Variants in SPEG observed in about 807,000 individuals in gnomAD.
SPEG encodes striated muscle enriched protein kinase.
A neutral mutation model predicts 300.4 loss-of-function variants in SPEG; 114 were observed. The ratio of observed to expected loss-of-function variants is 0.38; its 90% CI spans 0.33 to 0.44. SPEG has a LOEUF of 0.44. SPEG is among the 20% of genes least tolerant of loss of function. The probability of loss-of-function intolerance (pLI) is 1.00; values close to 1 mark genes in which losing one functional copy is unlikely to be tolerated. For missense variants in SPEG, 4,201 were observed against 4,586.2 expected, an observed-to-expected ratio of 0.92 and a Z score of 2.43; for synonymous variants, 1,964 against 2,018.9, an observed-to-expected ratio of 0.97 and a Z score of 0.73.
At chr2:219,475,181 G>C (rs769558903) in intron 18 of SPEG, among the ~76,000 whole-genome samples, 53 of 152,126 alleles carry the variant, frequency 3.5e-4, no homozygotes, top group Non-Finnish European at 6.9e-4. Flanking sequence ...TTTCTAATTT[G>C]TTAATTAACT....
rs2125554413 is a variant in SPEG, at chr2:219,483,614, A to G, written c.6151A>G (p.Thr2051Ala). The G allele has an allele frequency of 1.3e-6, 2 of 1,505,088 alleles. No individual in the cohort carries two copies. Among genetic ancestry groups the G allele is most frequent in the East Asian group, 5.4e-5 (2 of 36,980 alleles). The allele number at this position is 1,505,088 out of a possible 1,614,324, so 93.2% of individuals were successfully genotyped here. ...PQRRSPSPGATRLARGGLGEG... is the reference protein window; with the variant it reads ...PQRRSPSPGAARLARGGLGEG... ...GCGCCGGAGCCCCAGCCCGGGAGCC[A>G]CCCGCCTGGCCCGGGGAGGCCTGGG... Residue 2051 changes from threonine to alanine, a missense_variant, in exon 30 of 41, where the codon ACC becomes GCC. By Grantham distance (58) the Thr-to-Ala change is moderately conservative. Transcript: ENST00000312358.
In SPEG at chr2:219,461,453, G is replaced by T. The variant is rs577187338; in HGVS notation, c.2441-429G>T. ...ACCAGGCCCAGCTCACCCAAGAAAT[G>T]GGCGTCCTAGCCATGCTGCTCCAGG... On this transcript the variant is annotated intron_variant, in intron 6 of 40. Coordinates refer to ENST00000312358, the MANE Select transcript of SPEG (RefSeq NM_005876.5). 11 of 1,032,962 alleles carry T rather than the reference G, an allele frequency of 1.1e-5. No individual in the cohort carries two copies. The Admixed American group carries it at 5.3e-4, about 50-fold the overall frequency. 64.0% of individuals were successfully genotyped at this position (1,032,962 alleles called of 1,614,324 possible).
rs117582170 is a variant in SPEG, at chr2:219,470,828, G to T, written c.3716-1040G>T. Among the ~76,000 whole-genome samples, 655 of 152,320 alleles carry T rather than the reference G, an allele frequency of 4.3e-3. 16 individuals are homozygous for T. The East Asian group carries it at 0.081, about 19-fold the overall frequency. On this transcript the variant is annotated intron_variant, in intron 13 of 40. Coordinates refer to ENST00000312358, the MANE Select transcript of SPEG (RefSeq NM_005876.5). ...ATATCTCTGACCTCATTGGTAAAAT[G>T]GGGATAATTTTGTAGAGTTGTTGCA...
At position 219,459,754 on chromosome 2, in the gene SPEG, C is replaced by T. The variant is rs1690492058; in HGVS notation, c.2441-2128C>T. Among the ~76,000 whole-genome samples, 1 of 152,202 alleles carries T rather than the reference C, an allele frequency of 6.6e-6. No individual in the cohort carries two copies. Among genetic ancestry groups the T allele is most frequent in the Non-Finnish European group, 1.5e-5 (1 of 68,038 alleles). On this transcript the variant is annotated intron_variant, in intron 6 of 40. Coordinates refer to ENST00000312358, the MANE Select transcript of SPEG (RefSeq NM_005876.5). The surrounding 1 kb of genome is among the most constrained non-coding windows in gnomAD (Gnocchi z 4.9). ...GGACCGCCCACCTGCGGAGCCATGC[C>T]TGTGATCTCAGCATCAAATGCCTTA... is the stretch of plus-strand genomic sequence containing the variant.
chr2:219,466,956 G>A (rs1039414004), intron 9 of SPEG: 26 of 1,058,676 alleles, frequency 2.5e-5, no homozygotes, highest in Non-Finnish European at 3.2e-5. Flanking sequence ...TTGCCTCCAT[G>A]AATCACCCTC....
intron 1 of SPEG, chr2:219,441,388 C>G (rs1219373117): frequency 5.0e-6 from 2 of 398,534 alleles, no homozygotes; most frequent in South Asian, 1.8e-5. Context: ...TCTTGAGAAG[C>G]CTTAGGGTTT....
chr2:219,486,244 A>T (rs1693408650), intron 31 of SPEG, among the ~76,000 whole-genome samples: 1 of 152,202 alleles, frequency 6.6e-6, no homozygotes, highest in East Asian at 1.9e-4. Flanking sequence ...CCCCTGAAAA[A>T]GGGGCATTAC....
At chr2:219,442,344 A>G (rs1688983914) in intron 1 of SPEG, among the ~76,000 whole-genome samples, 1 of 151,502 alleles carries the variant, frequency 6.6e-6, no homozygotes, top group Non-Finnish European at 1.5e-5. Flanking sequence ...CCACCGGGGA[A>G]GGCCCCCGCT....
chr2:219,484,454 G>A lies in SPEG; in HGVS notation c.6991G>A (p.Ala2331Thr). The stretch of plus-strand genomic sequence containing the variant: ...CAGCATCGAAAACTTGGAGTCGGAG[G>A]CCGTGTTCGAGGCCAAGTTCAAGCG... ...SSSIENLESE[A>T]VFEAKFKRSR... Residue 2331 changes from alanine to threonine, a missense_variant, in exon 30 of 41, where the codon GCC becomes ACC. Physicochemically the swap from Ala to Thr is moderately conservative, Grantham distance 58 (BLOSUM62 0). Transcript: ENST00000312358. The A allele has an allele frequency of 6.2e-7, 1 of 1,611,376 alleles. No individual in the cohort carries two copies. The highest frequency in any genetic ancestry group is 8.5e-7 in the Non-Finnish European group (1 of 1,179,776).
At chr2:219,486,581 G>A (rs1223279507) in intron 31 of SPEG, among the ~76,000 whole-genome samples, 1 of 152,174 alleles carries the variant, frequency 6.6e-6, no homozygotes, top group Admixed American at 6.5e-5. Flanking sequence ...GGGGACAGCT[G>A]ATCCCTTCCC....
rs750642902 is a variant in SPEG, at chr2:219,485,121, C to A, written c.7609+49C>A. 20 of 1,515,916 alleles carry A rather than the reference C, an allele frequency of 1.3e-5. 1 individual carries two copies. The South Asian group carries it at 2.1e-4, about 16-fold the overall frequency. The allele number at this position is 1,515,916 out of a possible 1,614,324, so 93.9% of individuals were successfully genotyped here. On this transcript the variant is annotated intron_variant, in intron 30 of 40. Coordinates refer to ENST00000312358, the MANE Select transcript of SPEG (RefSeq NM_005876.5). ...AGCAGGTGCAGAGGAGGGTGGGGTG[C>A]GCTGGAGAGAGGCTGTGGGAGGAGC...
intron 6 of SPEG, among the ~76,000 whole-genome samples, chr2:219,456,464 C>T (rs1690191009): frequency 6.6e-6 from 1 of 152,206 alleles, no homozygotes; most frequent in African/African-American, 2.4e-5. Context: ...TCCTGTCTGC[C>T]AGAAACAGGC....
chr2:219,469,825 T>A (rs941484444), intron 13 of SPEG, among the ~76,000 whole-genome samples: 12 of 152,148 alleles, frequency 7.9e-5, no homozygotes, highest in Admixed American at 7.9e-4. Flanking sequence ...CGGTGGTACT[T>A]CCTGGAGACA....
At chr2:219,476,315 A>T (rs1692336549) in intron 18 of SPEG, among the ~76,000 whole-genome samples, 1 of 152,190 alleles carries the variant, frequency 6.6e-6, no homozygotes, top group African/African-American at 2.4e-5. Context: ...CAGTGAAAAA[A>T]CTTCAAGGTA....
intron 29 of SPEG, 35 bp from the exon 30 acceptor site, chr2:219,483,063 G>T (rs1239306880): frequency 1.9e-6 from 3 of 1,579,410 alleles, no homozygotes; most frequent in Non-Finnish European, 2.6e-6. Flanking sequence ...TGCCCCAGGG[G>T]TCCCTCAGGT....
rs1362346842 is a variant in SPEG at position 219,473,580 on chromosome 2, C to A, written c.4224C>A (p.Ser1408Arg). The change falls in exon 17 of 41, where the codon AGC becomes AGA. Residue 1408 changes from serine to arginine, a missense_variant. Ser to Arg is a moderately radical substitution (Grantham distance 110). This residue lies in a region of SPEG where 1,047 missense variants were observed against 1,356.8 expected (regional missense o/e 0.77). Coordinates refer to ENST00000312358, the MANE Select transcript of SPEG (RefSeq NM_005876.5). This position sits in a 1 kb window ranked among gnomAD's most constrained non-coding sequence, Gnocchi z 4.6. ...IVYVVEGQPASVTVTFNHVEA... is the reference protein window; with the variant it reads ...IVYVVEGQPARVTVTFNHVEA... Reference sequence around the variant, plus strand: ...ATGTGGTGGAGGGACAGCCTGCCAGCGTCACCGTCACATTCAACCATGTGG... The same window carrying A: ...ATGTGGTGGAGGGACAGCCTGCCAGAGTCACCGTCACATTCAACCATGTGG... 1 of 1,614,184 alleles carries A rather than the reference C, an allele frequency of 6.2e-7. No individual in the cohort carries two copies. The highest frequency in any genetic ancestry group is 8.5e-7 in the Non-Finnish European group (1 of 1,180,030).
rs587777672 is a variant in SPEG at position 219,484,160 on chromosome 2, C to A, written c.6697C>A (p.Gln2233Lys). Residue 2233 changes from glutamine to lysine, a missense_variant, in exon 30 of 41, where the codon CAG (glutamine) becomes AAG (lysine). Around this residue, in one of 4 missense-constraint regions of SPEG, gnomAD observed 1,578 missense variants for 1,506.0 expected, o/e 1.05. Coordinates refer to ENST00000312358, the MANE Select transcript of SPEG (RefSeq NM_005876.5). ...AGCCTCCAAGCCTGCACCACCCCCCCAGGCCCTGCAAACCCTAGCGCTGCC... is the reference window on the plus strand; with the variant it reads ...AGCCTCCAAGCCTGCACCACCCCCCAAGGCCCTGCAAACCCTAGCGCTGCC... ...VRASKPAPPP[Q>K]ALQTLALPLT... 1.2e-5 allele frequency: 20 copies of A among 1,613,608 alleles called. No homozygotes were observed. The highest frequency in any genetic ancestry group is 3.3e-5 in the Admixed American group (2 of 60,006).
At chr2:219,442,139 C>T (rs1046153041) in intron 1 of SPEG, 28 of 1,112,296 alleles carry the variant, frequency 2.5e-5, no homozygotes, top group Non-Finnish European at 3.1e-5. Context: ...CTGGGCGCCC[C>T]GGAGGGAGGG....
rs753502254 is a variant in SPEG at position 219,444,640 on chromosome 2, C to T, written c.389-13C>T. ...GAGGAGGGCCCTGCCCACACAGACC[C>T]CTTCTTCTCCAGACTCAGAGACGGC... On this transcript the variant is annotated splice_polypyrimidine_tract_variant and intron_variant, in intron 1 of 40. Coordinates refer to ENST00000312358, the MANE Select transcript of SPEG (RefSeq NM_005876.5). This position sits in a 1 kb window ranked among gnomAD's most constrained non-coding sequence, Gnocchi z 7.8. 2 of 1,612,706 alleles carry T rather than the reference C, an allele frequency of 1.2e-6. No individual in the cohort carries two copies. Among genetic ancestry groups the T allele is most frequent in the Non-Finnish European group, 1.7e-6 (2 of 1,178,824 alleles).
Sources: allele counts gnomAD v4.1 joint callset (sites outside exome capture counted in the v4.1 genomes callset), GRCh38; gene constraint gnomAD v4.1.1; regional missense constraint gnomAD v4.1.1; non-coding constraint Gnocchi (gnomAD v3.1); transcripts MANE v1.5; gene names NCBI Gene and HGNC (gene_info 2026-07-23, HGNC 2026-07-21).